The following ELOVL6 variants were observed in gnomAD, a reference collection of about 807,000 sequenced individuals.
ELOVL6 encodes the protein ELOVL fatty acid elongase 6.
In ELOVL6, 8 loss-of-function variants were observed where a neutral mutation model predicts 31.7. The ratio of observed to expected loss-of-function variants is 0.25; its 90% CI spans 0.15 to 0.45. The LOEUF (loss-of-function observed/expected upper bound fraction) is 0.45. ELOVL6 is among the 20% of genes least tolerant of loss of function. The probability of loss-of-function intolerance (pLI) is 1.00; values close to 1 mark genes in which losing one functional copy is unlikely to be tolerated. For missense variants in ELOVL6, 126 were observed against 326.4 expected, an observed-to-expected ratio of 0.39 and a Z score of 4.73; for synonymous variants, 101 against 117.7, an observed-to-expected ratio of 0.86 and a Z score of 0.92.
At chr4:110,120,460 G>GT (rs1392291446) in intron 1 of ELOVL6, among the ~76,000 whole-genome samples, 1 of 151,902 alleles carries the variant, frequency 6.6e-6, no homozygotes, top group East Asian at 1.9e-4. Context: ...GATAACAATA[G>GT]TTAAAAAGTA....
At chr4:110,163,023 A>G (rs1449423321) in intron 1 of ELOVL6, among the ~76,000 whole-genome samples, 2 of 152,222 alleles carry the variant, frequency 1.3e-5, no homozygotes, top group Non-Finnish European at 2.9e-5. Context: ...GAATGAAGAA[A>G]GACCCAATCA....
chr4:110,137,333 G>T (rs1428112409), intron 1 of ELOVL6, among the ~76,000 whole-genome samples: 1 of 152,156 alleles, frequency 6.6e-6, no homozygotes, highest in Non-Finnish European at 1.5e-5. Flanking sequence ...CGCCTAAGAA[G>T]TTCATCATCG....
intron 1 of ELOVL6, among the ~76,000 whole-genome samples, chr4:110,113,227 CAAAA>C (rs754003099): frequency 1.9e-5 from 2 of 107,506 alleles, no homozygotes; most frequent in Non-Finnish European, 1.9e-5. Flanking sequence ...GACTCCGTCT[CAAAA>C]AAAAAAAAAA....
At chr4:110,083,137 A>C (rs1467048045) in intron 2 of ELOVL6, among the ~76,000 whole-genome samples, 1 of 151,858 alleles carries the variant, frequency 6.6e-6, no homozygotes, top group Admixed American at 6.5e-5. Flanking sequence ...CAAGTGATTA[A>C]GAAAAAGACA....
intron 1 of ELOVL6, among the ~76,000 whole-genome samples, chr4:110,193,378 G>A (rs907174309): frequency 3.9e-5 from 6 of 152,156 alleles, no homozygotes; most frequent in Non-Finnish European, 7.3e-5. Flanking sequence ...GCCGAGGTGG[G>A]CGGATTACTT....
chr4:110,091,759 G>A (rs1756433529), intron 2 of ELOVL6, among the ~76,000 whole-genome samples: 2 of 142,032 alleles, frequency 1.4e-5, no homozygotes, highest in African/African-American at 5.4e-5. Context: ...AATACAAAAA[G>A]CCACCCCTCT....
chr4:110,105,678 C>T, intron 1 of ELOVL6, 50 bp from the exon 2 acceptor site: 1 of 1,562,458 alleles, frequency 6.4e-7, no homozygotes, highest in Non-Finnish European at 8.7e-7. Context: ...CATTAGGAAA[C>T]ACCAAATTTT....
intron 1 of ELOVL6, among the ~76,000 whole-genome samples, chr4:110,152,795 T>C (rs1181865900): frequency 6.6e-6 from 1 of 152,248 alleles, no homozygotes; most frequent in African/African-American, 2.4e-5. Context: ...CATGCACTTA[T>C]GTTAGAAGGC....
At chr4:110,170,283 A>T (rs1758906050) in intron 1 of ELOVL6, among the ~76,000 whole-genome samples, 1 of 152,202 alleles carries the variant, frequency 6.6e-6, no homozygotes, top group African/African-American at 2.4e-5. Flanking sequence ...GTGTGCTGCC[A>T]TTATAAATTT....
At chr4:110,127,175 G>A (rs1252632888) in intron 1 of ELOVL6, among the ~76,000 whole-genome samples, 2 of 152,040 alleles carry the variant, frequency 1.3e-5, no homozygotes, top group East Asian at 1.9e-4. Flanking sequence ...TTGGGAGGCC[G>A]AGATGGTTGG....
intron 1 of ELOVL6, among the ~76,000 whole-genome samples, chr4:110,174,132 T>G (rs545978042): frequency 2.0e-5 from 3 of 151,924 alleles, no homozygotes; most frequent in Non-Finnish European, 4.4e-5. Context: ...AAGAAAAAGA[T>G]TTTAAAATAT....
intron 1 of ELOVL6, among the ~76,000 whole-genome samples, chr4:110,110,918 T>C (rs536774175): frequency 1.2e-4 from 18 of 152,356 alleles, no homozygotes; most frequent in African/African-American, 4.3e-4. Flanking sequence ...TTCTTTGAGT[T>C]GTAAGCACTT....
intron 2 of ELOVL6, among the ~76,000 whole-genome samples, chr4:110,077,088 C>G (rs1027906025): frequency 3.3e-5 from 5 of 152,154 alleles, no homozygotes; most frequent in African/African-American, 9.7e-5. Context: ...AGCAGCCAGC[C>G]AGGAAGCTCG....
intron 1 of ELOVL6, among the ~76,000 whole-genome samples, chr4:110,140,163 G>T (rs1326699918): frequency 1.3e-5 from 2 of 152,138 alleles, no homozygotes; most frequent in African/African-American, 4.8e-5. Context: ...CCCCAAACTT[G>T]ACTTTGTGTT....
rs2126216919 is a variant in ELOVL6, at chr4:110,046,916, G to C, written c.*4422C>G. On this transcript the variant is annotated 3_prime_UTR_variant, in exon 4 of 4. Transcript: ENST00000302274. Reference sequence around the variant, plus strand: ...TGGCCAAATGTGGTGGTGGATCTTGGCAAAGTCTCTTCCTGATAGCAATGA... The same window carrying C: ...TGGCCAAATGTGGTGGTGGATCTTGCCAAAGTCTCTTCCTGATAGCAATGA... The C allele has an allele frequency of 6.6e-6, 1 of 152,274 alleles. No homozygotes were observed. Among genetic ancestry groups the C allele is most frequent in the Non-Finnish European group, 1.5e-5 (1 of 68,034 alleles). 9.4% of individuals were successfully genotyped at this position (152,274 alleles called of 1,614,324 possible).
chr4:110,135,712 G>A (rs1282760881), intron 1 of ELOVL6, among the ~76,000 whole-genome samples: 1 of 152,182 alleles, frequency 6.6e-6, no homozygotes, highest in Non-Finnish European at 1.5e-5. Flanking sequence ...AATTAAGGCT[G>A]CCTAGGGGAA....
intron 3 of ELOVL6, among the ~76,000 whole-genome samples, chr4:110,054,878 G>A (rs986110713): frequency 2.6e-5 from 4 of 152,022 alleles, no homozygotes; most frequent in Admixed American, 6.6e-5. Flanking sequence ...AACATGTCCC[G>A]AAATCTCAAG....
At chr4:110,081,466 A>T (rs11942299) in intron 2 of ELOVL6, among the ~76,000 whole-genome samples, 28,988 of 152,146 alleles carry the variant, frequency 0.19, 4,064 homozygotes, top group African/African-American at 0.38. Flanking sequence ...GATATTTGAC[A>T]AACCTGACAA....
chr4:110,081,136 A>G (rs1240997385), intron 2 of ELOVL6, among the ~76,000 whole-genome samples: 1 of 152,204 alleles, frequency 6.6e-6, no homozygotes, highest in Non-Finnish European at 1.5e-5. Context: ...ATGGGTAGGA[A>G]GAATCAATAT....
Sources: gnomAD v4.1 joint callset for allele counts (sites outside exome capture counted in the v4.1 genomes callset) on GRCh38, gnomAD v4.1.1 for gene constraint, MANE v1.5 for transcripts, NCBI Gene and HGNC (gene_info 2026-07-23, HGNC 2026-07-21) for gene names.